RHOH: variants seen among roughly 807,000 people sequenced by gnomAD.
RHOH encodes ras homolog family member H.
RHOH carries 6 observed loss-of-function variants against 13.8 expected under a neutral mutation model. That is an observed-to-expected ratio of 0.44 (90% CI 0.24 to 0.86). The LOEUF is 0.86. Among genes scored for constraint, RHOH ranks in the 40% least tolerant of loss-of-function variants. RHOH has a pLI of 0.24. For synonymous variants in RHOH, 117 were observed against 103.0 expected (o/e 1.14, Z -0.82); for missense variants, 147 against 244.5 (o/e 0.60, Z 2.66).
intron 1 of RHOH, among the ~76,000 whole-genome samples, chr4:40,206,763 A>G (rs1399709934): frequency 6.6e-6 from 1 of 152,236 alleles, no homozygotes; most frequent in Non-Finnish European, 1.5e-5. Context: ...ATATTCCTAA[A>G]CACAGAATAT....
chr4:40,242,487 A>G (rs1729371869), intron 1 of RHOH, among the ~76,000 whole-genome samples: 1 of 152,214 alleles, frequency 6.6e-6, no homozygotes, highest in South Asian at 2.1e-4. Context: ...TGTAGGTGAC[A>G]GTGCCTGATT....
At chr4:40,230,878 A>G (rs1727848639) in intron 1 of RHOH, among the ~76,000 whole-genome samples, 1 of 150,708 alleles carries the variant, frequency 6.6e-6, no homozygotes, top group African/African-American at 2.5e-5. Context: ...GTAGACCTAG[A>G]AAAATTTTCA....
At chr4:40,235,701 C>T (rs765008573) in intron 1 of RHOH, among the ~76,000 whole-genome samples, 5 of 147,456 alleles carry the variant, frequency 3.4e-5, no homozygotes, top group Admixed American at 1.4e-4. Context: ...CAACCTAGGG[C>T]AGTAGCTCAT....
intron 1 of RHOH, among the ~76,000 whole-genome samples, chr4:40,239,392 C>G (rs1728984016): frequency 6.6e-6 from 1 of 152,122 alleles, no homozygotes; most frequent in Non-Finnish European, 1.5e-5. Context: ...GTAGCCATGT[C>G]TGGGTATGAG....
intron 1 of RHOH, among the ~76,000 whole-genome samples, chr4:40,238,766 C>T (rs559297666): frequency 3.3e-5 from 5 of 152,322 alleles, no homozygotes; most frequent in African/African-American, 7.2e-5. Flanking sequence ...ATGACGCTCT[C>T]GTAACTCTTC....
In RHOH at chr4:40,243,196, A is replaced by G. The variant is rs1489656625; in HGVS notation, c.-191A>G. 4.1e-6 allele frequency: 2 copies of G among 488,676 alleles called. No homozygotes were observed. The highest frequency in any genetic ancestry group is 6.4e-5 in the East Asian group (2 of 31,086). 30.3% of individuals were successfully genotyped at this position (488,676 alleles called of 1,614,324 possible). A position where few individuals can be genotyped will look rare whatever the true frequency, so the allele number is the denominator to read the frequency against. ...GTTCCAGTTGAAGACTAGGCTTTGG[A>G]GGTTTTCAAAGCAGACGGTGCTTGG... is the stretch of plus-strand genomic sequence containing the variant. On this transcript the variant is annotated 5_prime_UTR_variant, in exon 3 of 3. Transcript: ENST00000381799. This position sits in a 1 kb window ranked among gnomAD's most constrained non-coding sequence, Gnocchi z 6.2.
At chr4:40,197,026 C>G (rs1723218953), upstream of RHOH, 1 of 152,014 alleles carries the variant, frequency 6.6e-6, no homozygotes, top group Non-Finnish European at 1.5e-5. Flanking sequence ...TTGCTAATCT[C>G]TTTTGTCACA....
intron 1 of RHOH, among the ~76,000 whole-genome samples, chr4:40,239,761 C>G (rs1729025754): frequency 6.6e-6 from 1 of 152,040 alleles, no homozygotes; most frequent in African/African-American, 2.4e-5. Context: ...GCCTGTAATC[C>G]CAGCTACTCG....
In RHOH at chr4:40,243,419, C is replaced by T. The variant is rs200253960; in HGVS notation, c.33C>T (p.Gly11=). The T allele has an allele frequency of 1.9e-5, 31 of 1,604,004 alleles. No homozygotes were observed. The highest frequency in any genetic ancestry group is 2.6e-5 in the Non-Finnish European group (30 of 1,174,474). MLSSIKCVLV[G]DSAVGKTSLL... is the part of the protein sequence containing the mutation. ...GTTCCATCAAGTGCGTGTTGGTGGG[C>T]GACTCTGCTGTGGGGAAAACCTCTC... Residue 11 remains glycine (G), a synonymous_variant, in exon 3 of 3, where the codon GGC becomes GGT. Coordinates refer to ENST00000381799, the MANE Select transcript of RHOH (RefSeq NM_004310.5). This position sits in a 1 kb window ranked among gnomAD's most constrained non-coding sequence, Gnocchi z 6.2.
chr4:40,244,797 A>G lies in RHOH; in HGVS notation c.*835A>G, dbSNP rs1579357117. On this transcript the variant is annotated 3_prime_UTR_variant, in exon 3 of 3. Coordinates refer to ENST00000381799, the MANE Select transcript of RHOH (RefSeq NM_004310.5). ...GGCAACAGAACTTGGAACAGAAGCA[A>G]GAGAGTGTCACTTTCACTTCTGGTA... 1 of 175,156 alleles carries G rather than the reference A, an allele frequency of 5.7e-6. No individual in the cohort carries two copies. Among genetic ancestry groups the G allele is most frequent in the East Asian group, 9.9e-5 (1 of 10,126 alleles). 10.9% of individuals were successfully genotyped at this position (175,156 alleles called of 1,614,324 possible). A position where few individuals can be genotyped will look rare whatever the true frequency, so the allele number is the denominator to read the frequency against.
chr4:40,229,142 A>T (rs1223527078), intron 1 of RHOH, among the ~76,000 whole-genome samples: 1 of 152,144 alleles, frequency 6.6e-6, no homozygotes, highest in Non-Finnish European at 1.5e-5. Context: ...TTGTCTGGGA[A>T]TCCTTACCCA....
intron 1 of RHOH, among the ~76,000 whole-genome samples, chr4:40,234,595 T>C (rs1011939107): frequency 6.6e-6 from 1 of 152,162 alleles, no homozygotes; most frequent in African/African-American, 2.4e-5. Flanking sequence ...GAGCTTAATA[T>C]GTTGAAATAA....
At chr4:40,196,506 G>T (rs1018337943), upstream of RHOH, among the ~76,000 whole-genome samples, 1 of 152,134 alleles carries the variant, frequency 6.6e-6, no homozygotes, top group African/African-American at 2.4e-5. Flanking sequence ...AGGGGTGAAC[G>T]CACGGCAGGG....
At chr4:40,206,097 T>C (rs2109379160) in intron 1 of RHOH, among the ~76,000 whole-genome samples, 1 of 152,368 alleles carries the variant, frequency 6.6e-6, no homozygotes, top group Admixed American at 6.5e-5. Flanking sequence ...TCTACTCCTC[T>C]TACCTCCTGG....
At chr4:40,231,461 T>C (rs553032172) in intron 1 of RHOH, among the ~76,000 whole-genome samples, 11 of 152,236 alleles carry the variant, frequency 7.2e-5, no homozygotes, top group African/African-American at 2.6e-4. Context: ...ACGATAGCCT[T>C]GTCATATGAC....
chr4:40,233,955 A>AAAATAAAATAAAATAAAATG lies in RHOH; in HGVS notation c.-330-8750_-330-8749insAAAATAAAATGAAATAAAAT, dbSNP rs1579321791. 1.1e-4 allele frequency among the ~76,000 whole-genome samples: 7 copies of AAAATAAAATAAAATAAAATG among 61,716 alleles called. No homozygotes were observed. In the East Asian group the frequency reaches 1.6e-3, roughly 14 times the overall value. The allele number at this position is 61,716 out of a possible 152,430, so 40.5% of individuals were successfully genotyped here. A position where few individuals can be genotyped will look rare whatever the true frequency, so the allele number is the denominator to read the frequency against. On this transcript the variant is annotated intron_variant, in intron 1 of 2. Coordinates refer to ENST00000381799, the MANE Select transcript of RHOH (RefSeq NM_004310.5). ...AAAATAAAATAAAATAAAATAAAAT[A>AAAATAAAATAAAATAAAATG]AAATAAAATGAAATAAAATGTAAAA...
intron 1 of RHOH, among the ~76,000 whole-genome samples, chr4:40,231,654 G>C (rs1727961611): frequency 6.6e-6 from 1 of 152,220 alleles, no homozygotes; most frequent in South Asian, 2.1e-4. Context: ...AGGCCTGCGT[G>C]TCAGTTCCGC....
At chr4:40,232,702 T>C (rs1322530748) in intron 1 of RHOH, among the ~76,000 whole-genome samples, 1 of 152,114 alleles carries the variant, frequency 6.6e-6, no homozygotes, top group African/African-American at 2.4e-5. Context: ...TCATCTCCCA[T>C]AATCCCTCCA....
intron 1 of RHOH, among the ~76,000 whole-genome samples, chr4:40,206,587 C>A (rs1225632674): frequency 9.2e-5 from 4 of 43,256 alleles, no homozygotes; most frequent in Non-Finnish European, 2.0e-4. Context: ...CAGTAACTTG[C>A]TGAAAATTAT....
Sources: allele counts gnomAD v4.1 joint callset (sites outside exome capture counted in the v4.1 genomes callset), GRCh38; gene constraint gnomAD v4.1.1; non-coding constraint Gnocchi (gnomAD v3.1); transcripts MANE v1.5; gene names NCBI Gene and HGNC (gene_info 2026-07-23, HGNC 2026-07-21).